Variants in CASR observed in about 807,000 individuals in gnomAD.
CASR encodes extracellular calcium-sensing receptor.
CASR carries 23 observed loss-of-function variants against 69.1 expected under a neutral mutation model. The ratio of observed to expected loss-of-function variants is 0.33; its 90% CI spans 0.24 to 0.47. The LOEUF is 0.47. CASR is among the 20% of genes least tolerant of loss of function. The probability of loss-of-function intolerance (pLI) is 1.00; values close to 1 mark genes in which losing one functional copy is unlikely to be tolerated. For missense variants in CASR, 924 were observed against 1,356.1 expected, an observed-to-expected ratio of 0.68 and a Z score of 5.00; for synonymous variants, 541 against 544.7, an observed-to-expected ratio of 0.99 and a Z score of 0.10.
intron 1 of CASR, among the ~76,000 whole-genome samples, chr3:122,239,447 C>G (rs1017171750): frequency 6.6e-6 from 1 of 152,248 alleles, no homozygotes; most frequent in Non-Finnish European, 1.5e-5. Context: ...CAAATCCTGG[C>G]TCCCAACTGT....
chr3:122,249,862 G>T (rs903327800), intron 1 of CASR, among the ~76,000 whole-genome samples: 1 of 152,178 alleles, frequency 6.6e-6, no homozygotes, highest in African/African-American at 2.4e-5. Context: ...GTTTAAACCA[G>T]CCAGAAGCCT....
chr3:122,277,478 G>A (rs2074836616), intron 5 of CASR, among the ~76,000 whole-genome samples: 1 of 152,112 alleles, frequency 6.6e-6, no homozygotes, highest in African/African-American at 2.4e-5. Context: ...ATTACCACTG[G>A]GAAGGTCTCC....
intron 1 of CASR, among the ~76,000 whole-genome samples, chr3:122,223,851 T>C (rs758939949): frequency 2.3e-5 from 2 of 87,468 alleles, no homozygotes; most frequent in Admixed American, 1.6e-4. Flanking sequence ...CACAATCAAA[T>C]AGGCTTTATT....
At chr3:122,238,750 T>C (rs1263966028) in intron 1 of CASR, among the ~76,000 whole-genome samples, 6 of 152,180 alleles carry the variant, frequency 3.9e-5, no homozygotes, top group African/African-American at 1.4e-4. Flanking sequence ...CAAGGTAGGA[T>C]AGAGCACCAG....
intron 1 of CASR, among the ~76,000 whole-genome samples, chr3:122,207,644 A>G (rs1039810242): frequency 1.3e-5 from 2 of 152,176 alleles, no homozygotes; most frequent in Non-Finnish European, 2.9e-5. Context: ...AATGCAACGT[A>G]CTAAAATCTA....
intron 4 of CASR, among the ~76,000 whole-genome samples, chr3:122,271,410 C>T (rs13095172): frequency 0.29 from 43,869 of 152,130 alleles, 7,582 homozygotes; most frequent in East Asian, 0.55. Flanking sequence ...TCCCTCCTGC[C>T]TACTCTTTAT....
At chr3:122,263,526 A>G (rs934401586) in intron 4 of CASR, among the ~76,000 whole-genome samples, 2 of 152,214 alleles carry the variant, frequency 1.3e-5, no homozygotes, top group African/African-American at 4.8e-5. Flanking sequence ...AAAAATGATA[A>G]CTAGAACACC....
intron 1 of CASR, among the ~76,000 whole-genome samples, chr3:122,252,337 A>AAAG (rs1381895573): frequency 0.19 from 9,924 of 51,244 alleles, 1,190 homozygotes; most frequent in African/African-American, 0.24. Context: ...AAAGAGAGAG[A>AAAG]AAGAAAGAAG....
At chr3:122,256,654 A>G (rs1285548991) in intron 2 of CASR, among the ~76,000 whole-genome samples, 1 of 151,990 alleles carries the variant, frequency 6.6e-6, no homozygotes, top group South Asian at 2.1e-4. Context: ...GTCTCACGCT[A>G]TCACCCAGGC....
intron 1 of CASR, among the ~76,000 whole-genome samples, chr3:122,193,058 CT>C (rs2073853872): frequency 6.6e-6 from 1 of 152,116 alleles, no homozygotes; most frequent in East Asian, 1.9e-4. Flanking sequence ...AGCAGGTAGC[CT>C]CACTCTAATC....
At chr3:122,188,164 C>T (rs1338137579) in intron 1 of CASR, among the ~76,000 whole-genome samples, 2 of 152,128 alleles carry the variant, frequency 1.3e-5, no homozygotes, top group East Asian at 1.9e-4. Flanking sequence ...TTGAAGGGGG[C>T]TCATTTGGAA....
At chr3:122,229,843 G>A (rs1301842525) in intron 1 of CASR, among the ~76,000 whole-genome samples, 1 of 152,142 alleles carries the variant, frequency 6.6e-6, no homozygotes, top group Non-Finnish European at 1.5e-5. Context: ...GCCTGGGTGG[G>A]CAACAGAGTG....
At chr3:122,248,471 A>G (rs1229402204) in intron 1 of CASR, among the ~76,000 whole-genome samples, 1 of 152,186 alleles carries the variant, frequency 6.6e-6, no homozygotes, top group Non-Finnish European at 1.5e-5. Context: ...TAGTATCTTT[A>G]TGATCATTGT....
chr3:122,193,158 A>G (rs757880496), intron 1 of CASR, among the ~76,000 whole-genome samples: 12 of 145,298 alleles, frequency 8.3e-5, no homozygotes, highest in Non-Finnish European at 1.8e-4. Context: ...TTTTTTTTTC[A>G]TATTATCATT....
In CASR at chr3:122,288,794, T is replaced by C. The variant is rs1333061887; in HGVS notation, c.*3603T>C. 6.6e-6 allele frequency: 1 copy of C among 152,206 alleles called. No individual in the cohort carries two copies. The highest frequency in any genetic ancestry group is 1.5e-5 in the Non-Finnish European group (1 of 68,030). 9.4% of individuals were successfully genotyped at this position (152,206 alleles called of 1,614,324 possible). On this transcript the variant is annotated 3_prime_UTR_variant, in exon 7 of 7. Coordinates refer to ENST00000639785, the MANE Select transcript of CASR (RefSeq NM_000388.4). ...ATATGATCACCTTTTAATTACTTTT[T>C]AAAATATTTCTTAGGTTTTGTTAAC...
intron 1 of CASR, among the ~76,000 whole-genome samples, chr3:122,248,884 G>T (rs541405875): frequency 3.3e-5 from 5 of 152,260 alleles, no homozygotes; most frequent in African/African-American, 1.2e-4. Flanking sequence ...AACTTGTTTT[G>T]ACTCCGGAAC....
intron 1 of CASR, among the ~76,000 whole-genome samples, chr3:122,226,289 A>G (rs1313492927): frequency 6.6e-6 from 1 of 151,286 alleles, no homozygotes; most frequent in Admixed American, 6.6e-5. Flanking sequence ...AGACCTTCGC[A>G]GTGAGTGTTA....
At chr3:122,221,177 G>A (rs534152145) in intron 1 of CASR, among the ~76,000 whole-genome samples, 4 of 152,180 alleles carry the variant, frequency 2.6e-5, no homozygotes, top group Non-Finnish European at 5.9e-5. Context: ...GAGGCAGAGT[G>A]TAGAAAGAGA....
At position 122,282,020 on chromosome 3, in the gene CASR, A is replaced by G; in HGVS notation, c.1609-93A>G. ...TCTGTCACACTGATTCTTGTGCCCA[A>G]ACTCCTCCCTCTTACATGTTTTGAA... is the stretch of plus-strand genomic sequence containing the variant. On this transcript the variant is annotated intron_variant, in intron 5 of 6. Coordinates refer to ENST00000639785, the MANE Select transcript of CASR (RefSeq NM_000388.4). 4 of 1,583,092 alleles carry G rather than the reference A, an allele frequency of 2.5e-6. No homozygotes were observed. In the Admixed American group the frequency reaches 5.0e-5, roughly 20 times the overall value.
Sources: gnomAD v4.1 joint callset for allele counts (sites outside exome capture counted in the v4.1 genomes callset) on GRCh38, gnomAD v4.1.1 for gene constraint, MANE v1.5 for transcripts, NCBI Gene and HGNC (gene_info 2026-07-23, HGNC 2026-07-21) for gene names.